The following SLC10A7 variants were observed in gnomAD, a reference collection of about 807,000 sequenced individuals.
The protein encoded by SLC10A7 is solute carrier family 10 member 7, also known as sodium/bile acid cotransporter 7.
SLC10A7 carries 29 observed loss-of-function variants against 43.2 expected under a neutral mutation model. The ratio of observed to expected loss-of-function variants is 0.67; its 90% CI spans 0.50 to 0.92. The LOEUF (loss-of-function observed/expected upper bound fraction) is 0.92, where lower values mean the gene tolerates loss of function less well. Among genes scored for constraint, SLC10A7 ranks in the 40% least tolerant of loss-of-function variants. The pLI, the probability that SLC10A7 is intolerant of heterozygous loss-of-function variation, is 0.00. For missense variants in SLC10A7, 295 were observed against 403.2 expected (o/e 0.73, Z 2.30); for synonymous variants, 152 against 144.8 (o/e 1.05, Z -0.35).
At chr4:146,483,321 T>G (rs1165630778) in intron 4 of SLC10A7, among the ~76,000 whole-genome samples, 2 of 152,148 alleles carry the variant, frequency 1.3e-5, no homozygotes, top group African/African-American at 4.8e-5. Flanking sequence ...ATGTAAATTT[T>G]AAGATTAAAA....
chr4:146,256,826 C>G, intron 11 of SLC10A7: 1 of 1,532,572 alleles, frequency 6.5e-7, no homozygotes, highest in South Asian at 1.2e-5. Flanking sequence ...TCATGGATAC[C>G]TGGAGGATGG....
chr4:146,445,440 C>T (rs986264467), intron 4 of SLC10A7, among the ~76,000 whole-genome samples: 1 of 152,136 alleles, frequency 6.6e-6, no homozygotes, highest in Admixed American at 6.5e-5. Flanking sequence ...TGTGCAGACC[C>T]GCGGCAGTGT....
At chr4:146,348,501 A>AAG (rs1157872537) in intron 5 of SLC10A7, among the ~76,000 whole-genome samples, 4 of 152,214 alleles carry the variant, frequency 2.6e-5, no homozygotes, top group Non-Finnish European at 5.9e-5. Context: ...CAGTACCTAC[A>AAG]TAAATGTGCT....
At chr4:146,370,835 T>C (rs1736722370) in intron 5 of SLC10A7, among the ~76,000 whole-genome samples, 1 of 152,202 alleles carries the variant, frequency 6.6e-6, no homozygotes, top group Admixed American at 6.6e-5. Context: ...ACATCATGAC[T>C]AGAGAGTGAA....
At chr4:146,495,631 T>C (rs1015158701) in intron 4 of SLC10A7, among the ~76,000 whole-genome samples, 6 of 152,138 alleles carry the variant, frequency 3.9e-5, no homozygotes, top group Non-Finnish European at 7.4e-5. Flanking sequence ...AAAACCTTTT[T>C]TAAATACACT....
chr4:146,261,048 G>A (rs923329552), intron 10 of SLC10A7, among the ~76,000 whole-genome samples: 21 of 152,200 alleles, frequency 1.4e-4, no homozygotes, highest in Non-Finnish European at 1.8e-4. Context: ...GGACCCTAAT[G>A]TCAAGTTTTA....
intron 5 of SLC10A7, among the ~76,000 whole-genome samples, chr4:146,328,232 GT>G (rs1232234817): frequency 3.3e-5 from 5 of 152,326 alleles, no homozygotes; most frequent in African/African-American, 1.2e-4. Flanking sequence ...CAGCACCCAT[GT>G]GCACCATGTG....
chr4:146,368,828 T>A (rs1736570265), intron 5 of SLC10A7, among the ~76,000 whole-genome samples: 1 of 152,184 alleles, frequency 6.6e-6, no homozygotes, highest in South Asian at 2.1e-4. Flanking sequence ...TACTAGTTAG[T>A]GTCTAGAGTC....
chr4:146,476,438 C>T (rs1579288650), intron 4 of SLC10A7, among the ~76,000 whole-genome samples: 1 of 152,038 alleles, frequency 6.6e-6, no homozygotes, highest in South Asian at 2.1e-4. Context: ...CAAAACGAGG[C>T]GTTACCTTTC....
At position 146,351,688 on chromosome 4, in the gene SLC10A7, T is replaced by C. The variant is rs1312758436; in HGVS notation, c.436-25692A>G. Among the ~76,000 whole-genome samples, 1,261 of 150,770 alleles carry C rather than the reference T, an allele frequency of 8.4e-3. 15 individuals are homozygous for C. The highest frequency in any genetic ancestry group is 0.029 in the African/African-American group (1,166 of 40,388). Reference sequence around the variant, plus strand: ...CCCATCAGACTAACAGCGGATCTCTTGGCAGAAACCCTACAAGCCAGAAGA... The same window carrying C: ...CCCATCAGACTAACAGCGGATCTCTCGGCAGAAACCCTACAAGCCAGAAGA... On this transcript the variant is annotated intron_variant, in intron 5 of 11. Coordinates refer to ENST00000335472, the MANE Select transcript of SLC10A7 (RefSeq NM_001029998.6).
At chr4:146,299,375 T>C (rs1731002738) in intron 7 of SLC10A7, among the ~76,000 whole-genome samples, 1 of 152,246 alleles carries the variant, frequency 6.6e-6, no homozygotes, top group Non-Finnish European at 1.5e-5. Flanking sequence ...GTTTACATTC[T>C]AGTTTAAGAG....
chr4:146,391,718 T>C (rs2679130), intron 5 of SLC10A7, among the ~76,000 whole-genome samples: 1,622 of 152,286 alleles, frequency 0.011, 21 homozygotes, highest in African/African-American at 0.036. Context: ...TCTCATTATG[T>C]GAAGTAGGTG....
At chr4:146,491,730 A>AGGAAGGAAGGAAGGAAGGAG in intron 4 of SLC10A7, among the ~76,000 whole-genome samples, 1 of 144,336 alleles carries the variant, frequency 6.9e-6, no homozygotes, top group Middle Eastern at 3.9e-3. Context: ...GAAGGAAGGA[A>AGGAAGGAAGGAAGGAAGGAG]GGAAGGAAGG....
At chr4:146,384,862 A>G (rs1183793940) in intron 5 of SLC10A7, among the ~76,000 whole-genome samples, 1 of 152,036 alleles carries the variant, frequency 6.6e-6, no homozygotes, top group Non-Finnish European at 1.5e-5. Context: ...TTTTTTTTAC[A>G]TTTATACACT....
intron 4 of SLC10A7, among the ~76,000 whole-genome samples, chr4:146,484,210 C>G (rs1375032406): frequency 2.0e-5 from 3 of 152,062 alleles, no homozygotes; most frequent in African/African-American, 7.2e-5. Flanking sequence ...CTAAGGTAGC[C>G]AGGCATGGTA....
At chr4:146,345,619 C>A (rs1037908274) in intron 5 of SLC10A7, among the ~76,000 whole-genome samples, 6 of 152,034 alleles carry the variant, frequency 3.9e-5, no homozygotes, top group African/African-American at 1.4e-4. Flanking sequence ...ACTCTTATGG[C>A]ACTATAGATC....
chr4:146,321,614 T>C (rs1732713148), intron 6 of SLC10A7, among the ~76,000 whole-genome samples: 1 of 152,076 alleles, frequency 6.6e-6, no homozygotes, highest in South Asian at 2.1e-4. Context: ...TATATAAACA[T>C]TTTTAAGAGA....
At chr4:146,262,501 T>A (rs940400856) in intron 10 of SLC10A7, among the ~76,000 whole-genome samples, 1 of 152,208 alleles carries the variant, frequency 6.6e-6, no homozygotes, top group Non-Finnish European at 1.5e-5. Context: ...GCTCTTCACA[T>A]CAAATCAGAG....
At chr4:146,496,843 T>C (rs749366489) in intron 4 of SLC10A7, among the ~76,000 whole-genome samples, 2 of 152,226 alleles carry the variant, frequency 1.3e-5, no homozygotes, top group Non-Finnish European at 2.9e-5. Flanking sequence ...ACCCTTGCCA[T>C]GGGTGAGGAA....
Sources: gnomAD v4.1 joint callset for allele counts (sites outside exome capture counted in the v4.1 genomes callset) on GRCh38, gnomAD v4.1.1 for gene constraint, MANE v1.5 for transcripts, NCBI Gene and HGNC (gene_info 2026-07-23, HGNC 2026-07-21) for gene names.